Variants in RAB24 observed in about 807,000 individuals in gnomAD.
The protein encoded by RAB24 is RAB24, member RAS oncogene family, also known as ras-related protein Rab-24.
RAB24 carries 9 observed loss-of-function variants against 31.4 expected under a neutral mutation model. The ratio of observed to expected loss-of-function variants is 0.29; its 90% confidence interval spans 0.17 to 0.50. The LOEUF is 0.50. Among genes scored for constraint, RAB24 ranks in the 20% least tolerant of loss-of-function variants. The pLI is 0.98. For synonymous variants in RAB24, 106 were observed against 94.1 expected, an observed-to-expected ratio of 1.13 and a Z score of -0.73; for missense variants, 197 against 265.2, an observed-to-expected ratio of 0.74 and a Z score of 1.79.
chr5:177,301,461 A>G lies in RAB24; in HGVS notation c.*282T>C, dbSNP rs775342093. ...GGGAAAGGGGCTGGGTGTGATGCAC[A>G]GTGCACTGATTTTATTTACAGATCA... On this transcript the variant is annotated 3_prime_UTR_variant, in exon 8 of 8. Transcript: ENST00000303251. 1 of 487,766 alleles carries G rather than the reference A, an allele frequency of 2.1e-6. No homozygotes were observed. Among genetic ancestry groups the G allele is most frequent in the Non-Finnish European group, 3.7e-6 (1 of 268,202 alleles). The allele number at this position is 487,766 out of a possible 1,614,324, so 30.2% of individuals were successfully genotyped here.
chr5:177,302,323 G>A (rs569873397), intron 5 of RAB24, 74 bp downstream of exon 5: 2 of 1,584,788 alleles, frequency 1.3e-6, no homozygotes, highest in East Asian at 4.5e-5. Flanking sequence ...TGGCAGCCAA[G>A]GCAGTCCCTA....
Position 177,302,182 on chromosome 5 carries a change from T to C in RAB24, c.434-4A>G, listed in dbSNP as rs750266433. The stretch of plus-strand genomic sequence containing the variant: ...TCAAAGAGCTGAGCTTTGATATCTG[T>C]AAAGAGAAGTGACTAAAGCCTCATA... On this transcript the variant is annotated splice_polypyrimidine_tract_variant and splice_region_variant and intron_variant, in intron 5 of 7. Transcript: ENST00000303251. The C allele has an allele frequency of 6.2e-7, 1 of 1,614,046 alleles. No homozygotes were observed. Among genetic ancestry groups the C allele is most frequent in the South Asian group, 1.1e-5 (1 of 91,082 alleles).
At position 177,301,621 on chromosome 5, in the gene RAB24, C is replaced by CCA; in HGVS notation, c.*120_*121dup. On this transcript the variant is annotated 3_prime_UTR_variant, in exon 8 of 8. Transcript: ENST00000303251. The stretch of plus-strand genomic sequence containing the variant: ...TTCCATGGGCCAGCACAGGCAGGCG[C>CCA]CACTCTGCTGACATGAGGACCTGGG... 1 of 1,118,852 alleles carries CCA rather than the reference C, an allele frequency of 8.9e-7. No individual in the cohort carries two copies. The highest frequency in any genetic ancestry group is 1.3e-6 in the Non-Finnish European group (1 of 756,906). 69.3% of individuals were successfully genotyped at this position (1,118,852 alleles called of 1,614,324 possible). A position where few individuals can be genotyped will look rare whatever the true frequency, so the allele number is the denominator to read the frequency against.
In RAB24 at chr5:177,303,683, C is replaced by A. The variant is rs1295382917; in HGVS notation, c.-395G>T. 4 of 360,354 alleles carry A rather than the reference C, an allele frequency of 1.1e-5. No individual in the cohort carries two copies. Among genetic ancestry groups the A allele is most frequent in the African/African-American group, 6.5e-5 (3 of 46,344 alleles). The allele number at this position is 360,354 out of a possible 1,614,324, so 22.3% of individuals were successfully genotyped here. ...GGGGTCTCCCGCAACCCGGCTCCTA[C>A]CCGCAGCGCCGCGACTCCCGCGGGA... On this transcript the variant is annotated 5_prime_UTR_variant, in exon 1 of 8. Transcript: ENST00000303251. The surrounding 1 kb of genome is among the most constrained non-coding windows in gnomAD (Gnocchi z 6.1).
chr5:177,302,031 C>T (rs753664031), intron 6 of RAB24, 44 bp from the exon 7 acceptor site: 2 of 1,611,458 alleles, frequency 1.2e-6, no homozygotes, highest in South Asian at 2.2e-5. Flanking sequence ...ATGCCAGTAG[C>T]CCTGGGATCT....
chr5:177,303,473 T>C lies in RAB24; in HGVS notation c.-185A>G. 1.6e-6 allele frequency: 1 copy of C among 617,570 alleles called. No individual in the cohort carries two copies. Among genetic ancestry groups the C allele is most frequent in the South Asian group, 1.9e-5 (1 of 52,018 alleles). 38.3% of individuals were successfully genotyped at this position (617,570 alleles called of 1,614,324 possible). A position where few individuals can be genotyped will look rare whatever the true frequency, so the allele number is the denominator to read the frequency against. On this transcript the variant is annotated 5_prime_UTR_variant, in exon 1 of 8. Transcript: ENST00000303251. The surrounding 1 kb of genome is among the most constrained non-coding windows in gnomAD (Gnocchi z 6.1). ...GGCCTTGCACTTCGGCAGCGCCCCG[T>C]GTGCCCCCGCTGTTCGGCCCCGGGC... is the stretch of plus-strand genomic sequence containing the variant.
chr5:177,301,761 G>A lies in RAB24; in HGVS notation c.594C>T (p.Tyr198=). 6.2e-7 allele frequency: 1 copy of A among 1,614,218 alleles called. No individual in the cohort carries two copies. Among genetic ancestry groups the A allele is most frequent in the Non-Finnish European group, 8.5e-7 (1 of 1,180,030 alleles). The change falls in exon 8 of 8, where the codon TAC becomes TAT. Residue 198 remains tyrosine, a synonymous_variant. Transcript: ENST00000303251. ...DLGQKPNPYF[Y]SCCHH ...TGCTGACTCAGTGATGACAACAGCT[G>A]TAGAAGTAGGGGTTTGGCTTCTGGC... is the stretch of plus-strand genomic sequence containing the variant.
At chr5:177,302,544 C>G (rs1204173229) in intron 4 of RAB24, 33 bp downstream of exon 4, 1 of 1,614,074 alleles carries the variant, frequency 6.2e-7, no homozygotes, top group South Asian at 1.1e-5. Context: ...AAAACCCCAG[C>G]CCCTAGTGTT....
rs757049852 is a variant in RAB24 at position 177,303,232 on chromosome 5, G to A, written c.57C>T (p.Gly19=). The A allele has an allele frequency of 6.2e-7, 1 of 1,613,744 alleles. No individual in the cohort carries two copies. Among genetic ancestry groups the A allele is most frequent in the South Asian group, 1.1e-5 (1 of 91,088 alleles). Residue 19 remains glycine, a synonymous_variant, in exon 1 of 8, where the codon GGC becomes GGT. Coordinates refer to ENST00000303251, the MANE Select transcript of RAB24 (RefSeq NM_001031677.4). The surrounding 1 kb of genome is among the most constrained non-coding windows in gnomAD (Gnocchi z 6.1). The part of the protein sequence containing the change: ...KVVMLGKEYV[G]KTSLVERYVH... ...CGTAGCGCTCCACCAGGCTAGTCTT[G>A]CCCACGTACTCCTTGCCCAGCATCA...
Position 177,303,453 on chromosome 5 carries a change from T to C in RAB24, c.-165A>G, listed in dbSNP as rs987306230. On this transcript the variant is annotated 5_prime_UTR_variant, in exon 1 of 8. Coordinates refer to ENST00000303251, the MANE Select transcript of RAB24 (RefSeq NM_001031677.4). This position sits in a 1 kb window ranked among gnomAD's most constrained non-coding sequence, Gnocchi z 6.1. The stretch of plus-strand genomic sequence containing the variant: ...CGGGCTCGAGCTCTGGCCGTGGCCT[T>C]GCACTTCGGCAGCGCCCCGTGTGCC... 8 of 650,900 alleles carry C rather than the reference T, an allele frequency of 1.2e-5. No homozygotes were observed. Among genetic ancestry groups the C allele is most frequent in the Admixed American group, 8.5e-5 (3 of 35,260 alleles). 40.3% of individuals were successfully genotyped at this position (650,900 alleles called of 1,614,324 possible). A position where few individuals can be genotyped will look rare whatever the true frequency, so the allele number is the denominator to read the frequency against.
chr5:177,302,229 C>A (rs376416530), intron 5 of RAB24, 51 bp from the exon 6 acceptor site: 4 of 1,603,824 alleles, frequency 2.5e-6, no homozygotes, highest in Non-Finnish European at 3.4e-6. Context: ...GATAAACAGA[C>A]AAAAGGGAGG....
rs969671483 is a variant in RAB24 at position 177,303,679 on chromosome 5, C to T, written c.-391G>A. On this transcript the variant is annotated 5_prime_UTR_variant, in exon 1 of 8. Transcript: ENST00000303251. This position sits in a 1 kb window ranked among gnomAD's most constrained non-coding sequence, Gnocchi z 6.1. ...ACCTGGGGTCTCCCGCAACCCGGCT[C>T]CTACCCGCAGCGCCGCGACTCCCGC... 5.5e-6 allele frequency: 2 copies of T among 365,782 alleles called. No homozygotes were observed. Among genetic ancestry groups the T allele is most frequent in the Admixed American group, 4.5e-5 (1 of 21,994 alleles). 22.7% of individuals were successfully genotyped at this position (365,782 alleles called of 1,614,324 possible). A position where few individuals can be genotyped will look rare whatever the true frequency, so the allele number is the denominator to read the frequency against.
chr5:177,301,877 T>C (rs80237806), intron 7 of RAB24, 48 bp downstream of exon 7: 64,787 of 1,612,650 alleles, frequency 0.04, 1,585 homozygotes, highest in South Asian at 0.059. Context: ...AGGGGCTAGA[T>C]GCTGTGGGCC....
rs755530764 is a variant in RAB24 at position 177,302,178 on chromosome 5, T to C, written c.434A>G (p.Asn145Ser). 11 of 1,614,012 alleles carry C rather than the reference T, an allele frequency of 6.8e-6. No individual in the cohort carries two copies. The highest frequency in any genetic ancestry group is 3.3e-5 in the Admixed American group (2 of 60,008). The change falls in exon 6 of 8, where the codon AAT becomes AGT. Residue 145 changes from asparagine to serine, a missense_variant and splice_region_variant. By Grantham distance (46) the Asn-to-Ser change is conservative. Coordinates refer to ENST00000303251, the MANE Select transcript of RAB24 (RefSeq NM_001031677.4). ...TGTTTCAAAGAGCTGAGCTTTGATA[T>C]CTGTAAAGAGAAGTGACTAAAGCCT... Reference protein sequence around the residue: ...DFHDVQDYADNIKAQLFETSS... With the variant: ...DFHDVQDYADSIKAQLFETSS...
At chr5:177,302,211 G>A in intron 5 of RAB24, 33 bp from the exon 6 acceptor site, 1 of 1,610,702 alleles carries the variant, frequency 6.2e-7, no homozygotes, top group Non-Finnish European at 8.5e-7. Context: ...CCTCATACCT[G>A]AGAATTAGAT....
In RAB24 at chr5:177,302,458, C is replaced by T; in HGVS notation, c.372G>A (p.Leu124=). ...GTCGACGCCTCCGGTCTTCTTCCAG[C>T]AGGTCACTCTTGGTGCCACATAAGT... ...QIYLCGTKSD[L]LEEDRRRRRV... Residue 124 remains leucine, a synonymous_variant, in exon 5 of 8, where the codon CTG becomes CTA. Transcript: ENST00000303251. 1.2e-6 allele frequency: 2 copies of T among 1,613,962 alleles called. No homozygotes were observed. The highest frequency in any genetic ancestry group is 1.7e-6 in the Non-Finnish European group (2 of 1,180,038).
Position 177,302,514 on chromosome 5 carries a change from G to A in RAB24, c.334-18C>T, listed in dbSNP as rs979632862. ...TGGCAGCCCTGAGGCAGAAGACAAG[G>A]GTCACCTCCACAGGCCAACAAAACC... On this transcript the variant is annotated intron_variant, in intron 4 of 7. Coordinates refer to ENST00000303251, the MANE Select transcript of RAB24 (RefSeq NM_001031677.4). 1.2e-6 allele frequency: 2 copies of A among 1,613,982 alleles called. No homozygotes were observed. Among genetic ancestry groups the A allele is most frequent in the Non-Finnish European group, 8.5e-7 (1 of 1,179,970 alleles).
chr5:177,302,456 A>G lies in RAB24; in HGVS notation c.374T>C (p.Leu125Pro), dbSNP rs370423982. ...ACGTCGACGCCTCCGGTCTTCTTCC[A>G]GCAGGTCACTCTTGGTGCCACATAA... ...IYLCGTKSDL[L>P]EEDRRRRRVD... Residue 125 changes from leucine (L) to proline (P), a missense_variant, in exon 5 of 8, where the codon CTG becomes CCG. By Grantham distance (98) the Leu-to-Pro change is moderately conservative (BLOSUM62 -3). Transcript: ENST00000303251. 9.3e-6 allele frequency: 15 copies of G among 1,613,966 alleles called. No individual in the cohort carries two copies. Among genetic ancestry groups the G allele is most frequent in the African/African-American group, 1.3e-5 (1 of 75,040 alleles).
At chr5:177,302,051 C>T in intron 6 of RAB24, 64 bp from the exon 7 acceptor site, 2 of 1,610,298 alleles carry the variant, frequency 1.2e-6, no homozygotes, top group Non-Finnish European at 1.7e-6. Flanking sequence ...TCCCAGTGAC[C>T]CAGCCCTCTG....
Sources: gnomAD v4.1 joint callset for allele counts on GRCh38, gnomAD v4.1.1 for gene constraint, Gnocchi (gnomAD v3.1) non-coding constraint, MANE v1.5 for transcripts, NCBI Gene and HGNC (gene_info 2026-07-23, HGNC 2026-07-21) for gene names.